TRPS1: variants seen among roughly 807,000 people sequenced by gnomAD.
TRPS1 encodes the protein zinc finger transcription factor Trps1.
A neutral mutation model predicts 101.2 loss-of-function variants in TRPS1; 6 were observed. The observed-to-expected ratio is 0.06, with a 90% CI of 0.03 to 0.12. The LOEUF is 0.12. Ranked by LOEUF, TRPS1 falls within the 10% of genes least tolerant of loss-of-function variation. The probability of loss-of-function intolerance (pLI) is 1.00; values close to 1 mark genes in which losing one functional copy is unlikely to be tolerated. For missense variants in TRPS1, 1,363 were observed against 1,567.0 expected, an observed-to-expected ratio of 0.87 and a Z score of 2.20; for synonymous variants, 578 against 589.8, an observed-to-expected ratio of 0.98 and a Z score of 0.29.
At chr8:115,491,144 T>C (rs188073901) in intron 5 of TRPS1, among the ~76,000 whole-genome samples, 63 of 152,318 alleles carry the variant, frequency 4.1e-4, no homozygotes, top group Middle Eastern at 3.4e-3. Flanking sequence ...TTGTAATAAT[T>C]AGACTTTGTT....
intron 5 of TRPS1, among the ~76,000 whole-genome samples, chr8:115,532,074 A>C (rs1443317902): frequency 6.6e-6 from 1 of 152,186 alleles, no homozygotes; most frequent in Non-Finnish European, 1.5e-5. Flanking sequence ...GATATTCATA[A>C]AGAGAGATAT....
At chr8:115,523,579 A>C (rs1281906228) in intron 5 of TRPS1, among the ~76,000 whole-genome samples, 2 of 152,156 alleles carry the variant, frequency 1.3e-5, no homozygotes, top group Non-Finnish European at 2.9e-5. Flanking sequence ...AGCTGTCTCA[A>C]ACTCTAGGCA....
chr8:115,442,655 T>A (rs151070045), intron 5 of TRPS1, among the ~76,000 whole-genome samples: 1 of 151,804 alleles, frequency 6.6e-6, no homozygotes, highest in Non-Finnish European at 1.5e-5. Context: ...ATTTAAGTTA[T>A]CAACATTTAA....
At chr8:115,535,036 T>G (rs1483333184) in intron 5 of TRPS1, among the ~76,000 whole-genome samples, 1 of 148,314 alleles carries the variant, frequency 6.7e-6, no homozygotes, top group African/African-American at 2.5e-5. Context: ...CATATATATA[T>G]AGCATATATA....
intron 5 of TRPS1, among the ~76,000 whole-genome samples, chr8:115,478,274 T>A (rs78420901): frequency 0.012 from 1,882 of 152,340 alleles, 55 homozygotes; most frequent in African/African-American, 0.043. Flanking sequence ...GAAATTCACA[T>A]AATATGCTTA....
At chr8:115,446,203 ACACT>A (rs892122261) in intron 5 of TRPS1, among the ~76,000 whole-genome samples, 10 of 152,084 alleles carry the variant, frequency 6.6e-5, no homozygotes, top group African/African-American at 2.2e-4. Flanking sequence ...AACATTTAAA[ACACT>A]CAGATAAGTG....
At chr8:115,662,278 T>TC (rs34040974) in intron 1 of TRPS1, among the ~76,000 whole-genome samples, 1 of 152,010 alleles carries the variant, frequency 6.6e-6, no homozygotes, top group East Asian at 1.9e-4. Flanking sequence ...ACTGTACTCT[T>TC]CCTTGTGTGA....
At chr8:115,442,012 T>C (rs1813611964) in intron 5 of TRPS1, among the ~76,000 whole-genome samples, 1 of 151,998 alleles carries the variant, frequency 6.6e-6, no homozygotes. Flanking sequence ...AACTTTATAG[T>C]TTTTTATTAT....
intron 5 of TRPS1, among the ~76,000 whole-genome samples, chr8:115,440,542 G>C (rs772001027): frequency 1.7e-4 from 26 of 152,174 alleles, no homozygotes; most frequent in Non-Finnish European, 2.8e-4. Context: ...CCCAGTGAAA[G>C]GACAGCAGCC....
At chr8:115,509,101 G>C (rs1019962358) in intron 5 of TRPS1, among the ~76,000 whole-genome samples, 1 of 151,862 alleles carries the variant, frequency 6.6e-6, no homozygotes, top group African/African-American at 2.4e-5. Context: ...AGTGTGTAAG[G>C]CTGGAAAGAA....
chr8:115,451,353 A>T (rs1563740345), intron 5 of TRPS1, among the ~76,000 whole-genome samples: 1 of 151,952 alleles, frequency 6.6e-6, no homozygotes, highest in South Asian at 2.1e-4. Flanking sequence ...TTTTCTACGT[A>T]CCAGACATTG....
At chr8:115,521,818 A>C (rs1157406962) in intron 5 of TRPS1, among the ~76,000 whole-genome samples, 2 of 150,938 alleles carry the variant, frequency 1.3e-5, no homozygotes, top group Non-Finnish European at 2.9e-5. Context: ...CTACTATGAC[A>C]TTTTTTATAA....
chr8:115,667,979 T>C lies in TRPS1; in HGVS notation c.-122+566A>G, dbSNP rs1811968526. 5 of 1,337,834 alleles carry C rather than the reference T, an allele frequency of 3.7e-6. No homozygotes were observed. The Admixed American group carries it at 8.0e-5, about 21-fold the overall frequency. 82.9% of individuals were successfully genotyped at this position (1,337,834 alleles called of 1,614,324 possible). A position where few individuals can be genotyped will look rare whatever the true frequency, so the allele number is the denominator to read the frequency against. ...CCCCTCGGGTCCAACCACCTCCAGCTCCTCCGCTGCGCCCGGTAGGAGAGA... is the reference window on the plus strand; with the variant it reads ...CCCCTCGGGTCCAACCACCTCCAGCCCCTCCGCTGCGCCCGGTAGGAGAGA... On this transcript the variant is annotated intron_variant, in intron 1 of 6. Transcript: ENST00000395715.
chr8:115,435,980 G>A, intron 5 of TRPS1, among the ~76,000 whole-genome samples: 1 of 141,076 alleles, frequency 7.1e-6, no homozygotes. Context: ...ACTTCTAAAT[G>A]CTACAACAAA....
rs76545477 is a variant in TRPS1 at position 115,627,649 on chromosome 8, C to T, written c.-121-3891G>A. Among the ~76,000 whole-genome samples the T allele has an allele frequency of 7.8e-3, 1,188 of 151,778 alleles. 16 individuals carry two copies. Among genetic ancestry groups the T allele is most frequent in the African/African-American group, 0.027 (1,128 of 41,480 alleles). ...TGTAGGAATGTCTTTGACTATGTTG[C>T]CAGCATTTGGTGAAAACTATCATTG... On this transcript the variant is annotated intron_variant, in intron 1 of 6. Coordinates refer to ENST00000395715, the MANE Select transcript of TRPS1 (RefSeq NM_014112.5).
intron 4 of TRPS1, among the ~76,000 whole-genome samples, chr8:115,590,600 G>A (rs1038125173): frequency 2.0e-5 from 3 of 152,226 alleles, no homozygotes; most frequent in South Asian, 2.1e-4. Context: ...ATTTTCAAAC[G>A]GTAGACTCTC....
chr8:115,583,648 T>C (rs1188584606), intron 5 of TRPS1, among the ~76,000 whole-genome samples: 1 of 152,048 alleles, frequency 6.6e-6, no homozygotes, highest in Non-Finnish European at 1.5e-5. Context: ...TGTAGAAATA[T>C]TGTGTGATTA....
At chr8:115,591,010 T>C (rs1314021977) in intron 4 of TRPS1, among the ~76,000 whole-genome samples, 1 of 152,172 alleles carries the variant, frequency 6.6e-6, no homozygotes, top group Non-Finnish European at 1.5e-5. Flanking sequence ...AGAAGATCCT[T>C]TGCTTTAGGA....
At chr8:115,465,054 T>C (rs905301717) in intron 5 of TRPS1, among the ~76,000 whole-genome samples, 1 of 152,120 alleles carries the variant, frequency 6.6e-6, no homozygotes, top group Admixed American at 6.6e-5. Context: ...CAAAAAGCTA[T>C]GTGTAATTAT....
Sources: allele counts gnomAD v4.1 joint callset (sites outside exome capture counted in the v4.1 genomes callset), GRCh38; gene constraint gnomAD v4.1.1; transcripts MANE v1.5; gene names NCBI Gene and HGNC (gene_info 2026-07-23, HGNC 2026-07-21).